Variants in MTRF1 observed in about 807,000 individuals in gnomAD.
The protein encoded by MTRF1 is peptide chain release factor 1, mitochondrial.
In MTRF1, 51 loss-of-function variants were observed where a neutral mutation model predicts 62.9. The observed-to-expected ratio is 0.81, with a 90% CI of 0.65 to 1.02. The LOEUF (loss-of-function observed/expected upper bound fraction) is 1.02, where lower values mean the gene tolerates loss of function less well. MTRF1 is among the 50% of genes least tolerant of loss of function. MTRF1 has a pLI of 0.00. For synonymous variants in MTRF1, 158 were observed against 181.9 expected (o/e 0.87, Z 1.06); for missense variants, 446 against 530.0 (o/e 0.84, Z 1.56).
At chr13:41,234,401 A>C (rs946910755) in intron 6 of MTRF1, among the ~76,000 whole-genome samples, 6 of 151,678 alleles carry the variant, frequency 4.0e-5, no homozygotes, top group African/African-American at 1.5e-4. Flanking sequence ...CTGGTCTTGA[A>C]CTCCTGGCCT....
chr13:41,308,236 G>A, the MTRF1 span, among the ~76,000 whole-genome samples: 2 of 152,044 alleles, frequency 1.3e-5, no homozygotes, highest in East Asian at 1.9e-4. Context: ...AAAGATAATC[G>A]TTCCTTGTCT....
chr13:41,242,667 G>A lies in MTRF1; in HGVS notation c.698-2234C>T, dbSNP rs75839182. ...TCGCTCTAAAATATCTTTTAAAGGCGGTTTGTGTAGTGAACAGCCTTGGAA... is the reference window on the plus strand; with the variant it reads ...TCGCTCTAAAATATCTTTTAAAGGCAGTTTGTGTAGTGAACAGCCTTGGAA... On this transcript the variant is annotated intron_variant, in intron 5 of 9. Transcript: ENST00000379480. Among the ~76,000 whole-genome samples the A allele has an allele frequency of 4.1e-3, 622 of 152,212 alleles. 9 individuals carry two copies. The highest frequency in any genetic ancestry group is 0.033 in the East Asian group (172 of 5,176).
intron 2 of MTRF1, 49 bp downstream of exon 2, chr13:41,260,444 T>C (rs772025276): frequency 7.3e-7 from 1 of 1,366,206 alleles, no homozygotes; most frequent in Non-Finnish European, 9.6e-7. Context: ...AGTGTGTGGT[T>C]TTTTTTTTCA....
chr13:41,285,700 T>C, the MTRF1 span, among the ~76,000 whole-genome samples: 2 of 152,224 alleles, frequency 1.3e-5, no homozygotes, highest in South Asian at 4.1e-4. Flanking sequence ...ATCTGTGAAT[T>C]GTTATTCTGG....
At position 41,260,201 on chromosome 13, in the gene MTRF1, T is replaced by A. The variant is rs993428700; in HGVS notation, c.415+292A>T. 2.0e-5 allele frequency among the ~76,000 whole-genome samples: 3 copies of A among 152,166 alleles called. No homozygotes were observed. In the East Asian group the frequency reaches 5.8e-4, roughly 29 times the overall value. ...CTGAGTTCAGGCCAGCCTCAGTGGC[T>A]CGGTGGCTATAATCATATCGCTTTG... On this transcript the variant is annotated intron_variant, in intron 2 of 9. Transcript: ENST00000379480.
chr13:41,230,369 A>G (rs2035311667), intron 7 of MTRF1, among the ~76,000 whole-genome samples: 2 of 151,346 alleles, frequency 1.3e-5, no homozygotes, highest in African/African-American at 4.9e-5. Flanking sequence ...GGTTCAAGCA[A>G]TTCTCCTGCC....
chr13:41,295,571 A>T, the MTRF1 span, among the ~76,000 whole-genome samples: 1 of 152,144 alleles, frequency 6.6e-6, no homozygotes, highest in African/African-American at 2.4e-5. Flanking sequence ...TGAAAAAAAA[A>T]AGATTTTACA....
chr13:41,294,866 A>G, the MTRF1 span, among the ~76,000 whole-genome samples: 2 of 152,336 alleles, frequency 1.3e-5, no homozygotes, highest in African/African-American at 2.4e-5. Flanking sequence ...GAGCTTTGAT[A>G]TTAAATTATA....
At chr13:41,276,033 G>A in the MTRF1 span, among the ~76,000 whole-genome samples, 1 of 152,094 alleles carries the variant, frequency 6.6e-6, no homozygotes, top group African/African-American at 2.4e-5. Context: ...CAACTTATAG[G>A]AGTTGTAAAA....
intron 2 of MTRF1, among the ~76,000 whole-genome samples, chr13:41,255,210 C>T (rs1018898867): frequency 1.3e-5 from 2 of 151,934 alleles, no homozygotes; most frequent in East Asian, 3.9e-4. Flanking sequence ...ACTCAGTTCA[C>T]ATTGTTTTTT....
chr13:41,262,391 A>G (rs1431425294), intron 1 of MTRF1: 1 of 151,150 alleles, frequency 6.6e-6, no homozygotes, highest in Non-Finnish European at 1.5e-5. Context: ...AATGATCTCT[A>G]GTTGTGAGAT....
At chr13:41,294,893 AT>A in the MTRF1 span, among the ~76,000 whole-genome samples, 1 of 152,200 alleles carries the variant, frequency 6.6e-6, no homozygotes, top group Non-Finnish European at 1.5e-5. Context: ...CAAAACTAAA[AT>A]TTTGGTTCCC....
chr13:41,265,115 T>C (rs1375475782), upstream of MTRF1, among the ~76,000 whole-genome samples: 1 of 152,202 alleles, frequency 6.6e-6, no homozygotes, highest in Non-Finnish European at 1.5e-5. Context: ...TATATAAAGC[T>C]TTATTCTCCT....
At chr13:41,270,887 G>C in the MTRF1 span, among the ~76,000 whole-genome samples, 6 of 151,904 alleles carry the variant, frequency 3.9e-5, no homozygotes, top group Admixed American at 2.0e-4. Flanking sequence ...ACAGGCATGC[G>C]CCACCATGCC....
chr13:41,223,424 T>C, intron 8 of MTRF1, 70 bp from the exon 9 acceptor site: 1 of 1,235,384 alleles, frequency 8.1e-7, no homozygotes, highest in East Asian at 2.3e-5. Flanking sequence ...AAAAAGCACT[T>C]GGCAAATGAC....
At chr13:41,291,052 C>T in the MTRF1 span, among the ~76,000 whole-genome samples, 7,919 of 150,774 alleles carry the variant, frequency 0.053, 276 homozygotes, top group Non-Finnish European at 0.073. Context: ...GCCGAGATCA[C>T]GCCATTGCAC....
intron 5 of MTRF1, among the ~76,000 whole-genome samples, chr13:41,247,355 T>C (rs1022899385): frequency 6.6e-6 from 1 of 152,216 alleles, no homozygotes; most frequent in African/African-American, 2.4e-5. Flanking sequence ...AAACTGCTTC[T>C]GCTGGCTTTC....
chr13:41,282,900 T>A, the MTRF1 span, among the ~76,000 whole-genome samples: 1 of 152,224 alleles, frequency 6.6e-6, no homozygotes, highest in African/African-American at 2.4e-5. Context: ...TGTGGCCAGG[T>A]CATTGGCGAC....
intron 2 of MTRF1, among the ~76,000 whole-genome samples, chr13:41,258,599 A>C (rs959250491): frequency 6.6e-6 from 1 of 151,568 alleles, no homozygotes; most frequent in African/African-American, 2.4e-5. Context: ...ATAAAAAATA[A>C]ATACACCATA....
Sources: gnomAD v4.1 joint callset for allele counts (sites outside exome capture counted in the v4.1 genomes callset) on GRCh38, gnomAD v4.1.1 for gene constraint, MANE v1.5 for transcripts, NCBI Gene and HGNC (gene_info 2026-07-23, HGNC 2026-07-21) for gene names.